The following ATG10 variants were observed in gnomAD, a reference collection of about 807,000 sequenced individuals.
ATG10 encodes autophagy related 10.
Under a neutral mutation model 32.1 loss-of-function variants are expected in ATG10, and 30 were observed. The observed-to-expected ratio is 0.94, with a 90% CI of 0.70 to 1.27. ATG10 has a LOEUF of 1.27. Ranked by LOEUF, ATG10 falls within the 50% of genes most tolerant of loss-of-function variation. The pLI, the probability that ATG10 is intolerant of heterozygous loss-of-function variation, is 0.00. For synonymous variants in ATG10, 87 were observed against 91.5 expected, an observed-to-expected ratio of 0.95 and a Z score of 0.28; for missense variants, 233 against 262.3, an observed-to-expected ratio of 0.89 and a Z score of 0.77.
chr5:82,056,738 A>G (rs1331052209), intron 2 of ATG10, among the ~76,000 whole-genome samples: 1 of 152,100 alleles, frequency 6.6e-6, no homozygotes, highest in Non-Finnish European at 1.5e-5. Flanking sequence ...ATGCTCCTCT[A>G]AGGAACCATT....
chr5:82,059,392 A>T (rs62365384), intron 3 of ATG10, among the ~76,000 whole-genome samples: 4 of 996 alleles, frequency 4.0e-3, no homozygotes, highest in Admixed American at 7.6e-3. Flanking sequence ...TATCATATAC[A>T]CACACACACA....
intron 3 of ATG10, among the ~76,000 whole-genome samples, chr5:82,127,533 C>T (rs1766329850): frequency 6.6e-6 from 1 of 152,072 alleles, no homozygotes. Flanking sequence ...CCTTAATTTT[C>T]ATTATTTGCC....
chr5:82,202,544 T>A (rs904968550), intron 5 of ATG10, among the ~76,000 whole-genome samples: 1 of 152,178 alleles, frequency 6.6e-6, no homozygotes, highest in East Asian at 1.9e-4. Context: ...CTTTTATCTG[T>A]ACACAGAATT....
intron 1 of ATG10, among the ~76,000 whole-genome samples, chr5:81,980,948 C>T (rs1258594251): frequency 2.0e-5 from 3 of 152,184 alleles, no homozygotes; most frequent in African/African-American, 7.2e-5. Context: ...CAGAGCAAGC[C>T]TCAGCTACCA....
intron 5 of ATG10, among the ~76,000 whole-genome samples, chr5:82,251,590 G>A (rs1747255285): frequency 6.6e-6 from 1 of 152,192 alleles, no homozygotes; most frequent in Non-Finnish European, 1.5e-5. Flanking sequence ...TTTCTCACGG[G>A]CCCCGTCATC....
intron 5 of ATG10, among the ~76,000 whole-genome samples, chr5:82,209,771 T>G (rs1412854737): frequency 6.6e-6 from 1 of 152,204 alleles, no homozygotes; most frequent in East Asian, 1.9e-4. Flanking sequence ...TTAAATAGAT[T>G]GCTTTTGCCC....
chr5:81,987,704 G>C (rs369088774), intron 2 of ATG10, 26 bp downstream of exon 2: 2 of 1,551,588 alleles, frequency 1.3e-6, no homozygotes, highest in Non-Finnish European at 1.8e-6. Context: ...TTTGTTTTCT[G>C]TCTCAAAAGA....
chr5:82,139,878 C>T (rs1424325764), intron 3 of ATG10, among the ~76,000 whole-genome samples: 22 of 136,434 alleles, frequency 1.6e-4, no homozygotes, highest in East Asian at 1.4e-3. Flanking sequence ...CCGCCCCGTC[C>T]GGGAGGGAGG....
At chr5:82,171,056 G>A (rs1276293412) in intron 4 of ATG10, among the ~76,000 whole-genome samples, 1 of 152,204 alleles carries the variant, frequency 6.6e-6, no homozygotes, top group Non-Finnish European at 1.5e-5. Context: ...TCACAGGGCT[G>A]ATGTCTCAGG....
rs139195353 is a variant in ATG10 at position 82,159,723 on chromosome 5, C to A, written c.217-4676C>A. 1.6e-3 allele frequency among the ~76,000 whole-genome samples: 239 copies of A among 152,158 alleles called. 2 individuals carry two copies. Among genetic ancestry groups the A allele is most frequent in the African/African-American group, 5.4e-3 (223 of 41,516 alleles). On this transcript the variant is annotated intron_variant, in intron 3 of 7. Coordinates refer to ENST00000282185, the MANE Select transcript of ATG10 (RefSeq NM_031482.5). ...CTCCTGTATTATTTTCAAACAAATC[C>A]CAGACATTAGACTCTCTTTATTAAC...
At chr5:82,088,669 T>C (rs1764771839) in intron 3 of ATG10, among the ~76,000 whole-genome samples, 2 of 152,172 alleles carry the variant, frequency 1.3e-5, no homozygotes, top group South Asian at 4.1e-4. Flanking sequence ...TGATTGGATA[T>C]AGAAAGTAAT....
In ATG10 at chr5:82,253,393, G is replaced by C. The variant is rs779905179; in HGVS notation, c.631G>C (p.Ala211Pro). 1 of 1,609,872 alleles carries C rather than the reference G, an allele frequency of 6.2e-7. No homozygotes were observed. The highest frequency in any genetic ancestry group is 1.1e-5 in the South Asian group (1 of 90,972). ...GAATCTACCTCTGAGTTATGCCAAA[G>C]CAACGTCTCAGGATGAACGAAATGT... ...GLNLPLSYAK[A>P]TSQDERNVP is the part of the protein sequence containing the mutation. Residue 211 changes from alanine to proline, a missense_variant, in exon 7 of 8, where the codon GCA becomes CCA. Coordinates refer to ENST00000282185, the MANE Select transcript of ATG10 (RefSeq NM_031482.5).
intron 3 of ATG10, among the ~76,000 whole-genome samples, chr5:82,080,667 G>A (rs375736682): frequency 2.0e-5 from 3 of 152,140 alleles, no homozygotes; most frequent in Admixed American, 1.3e-4. Context: ...AAGATCAGAT[G>A]GTTGTAGATG....
chr5:82,061,748 A>G lies in ATG10; in HGVS notation c.216+3146A>G, dbSNP rs1763781263. Among the ~76,000 whole-genome samples, 3 of 143,232 alleles carry G rather than the reference A, an allele frequency of 2.1e-5. No homozygotes were observed. The South Asian group carries it at 6.8e-4, about 32-fold the overall frequency. 94.0% of individuals were successfully genotyped at this position (143,232 alleles called of 152,430 possible). On this transcript the variant is annotated intron_variant, in intron 3 of 7. Coordinates refer to ENST00000282185, the MANE Select transcript of ATG10 (RefSeq NM_031482.5). Reference sequence around the variant, plus strand: ...TAAAAAAGTATGGGTGTATGTGTATATATGTGTATATACATATATATACAT... The same window carrying G: ...TAAAAAAGTATGGGTGTATGTGTATGTATGTGTATATACATATATATACAT...
intron 5 of ATG10, among the ~76,000 whole-genome samples, chr5:82,189,160 A>G (rs562296915): frequency 1.3e-5 from 2 of 152,356 alleles, no homozygotes; most frequent in Non-Finnish European, 2.9e-5. Flanking sequence ...ATACATTCTC[A>G]TATGCTAATA....
rs1009270157 is a variant in ATG10 at position 82,139,040 on chromosome 5, C to T, written c.217-25359C>T. ...ACTGGTTTTGGTGGAGACGGGGTTT[C>T]GCTGTGTTGGCCGGGCCGGTCTCCA... On this transcript the variant is annotated intron_variant, in intron 3 of 7. Transcript: ENST00000282185. 4.7e-5 allele frequency among the ~76,000 whole-genome samples: 7 copies of T among 150,384 alleles called. No homozygotes were observed. In the East Asian group the frequency reaches 8.0e-4, roughly 17 times the overall value.
chr5:82,050,005 A>G (rs1427394625), intron 2 of ATG10, among the ~76,000 whole-genome samples: 1 of 151,364 alleles, frequency 6.6e-6, no homozygotes, highest in Non-Finnish European at 1.5e-5. Flanking sequence ...GTAAAGATGA[A>G]AATCTTTCCC....
chr5:82,012,311 T>G (rs1338941806), intron 2 of ATG10, among the ~76,000 whole-genome samples: 2 of 152,274 alleles, frequency 1.3e-5, no homozygotes, highest in Non-Finnish European at 2.9e-5. Flanking sequence ...AGTTGTTTTT[T>G]GAAGGGGATT....
intron 2 of ATG10, among the ~76,000 whole-genome samples, chr5:82,045,832 C>T (rs539926844): frequency 4.1e-4 from 63 of 151,942 alleles, no homozygotes; most frequent in African/African-American, 1.4e-3. Flanking sequence ...GTGAGTTTGC[C>T]GTGTGTCTGG....
Sources: gnomAD v4.1 joint callset for allele counts (sites outside exome capture counted in the v4.1 genomes callset) on GRCh38, gnomAD v4.1.1 for gene constraint, MANE v1.5 for transcripts, NCBI Gene and HGNC (gene_info 2026-07-23, HGNC 2026-07-21) for gene names.